PATL1: variants seen among roughly 807,000 people sequenced by gnomAD.
PATL1 encodes protein PAT1 homolog 1.
PATL1 carries 32 observed loss-of-function variants against 100.6 expected under a neutral mutation model. That is an observed-to-expected ratio of 0.32 (90% CI 0.24 to 0.43). PATL1 has a LOEUF of 0.43. PATL1 is among the 20% of genes least tolerant of loss of function. The pLI is 1.00. For missense variants in PATL1, 747 were observed against 949.9 expected, an observed-to-expected ratio of 0.79 and a Z score of 2.81; for synonymous variants, 332 against 330.0, an observed-to-expected ratio of 1.01 and a Z score of -0.07.
intron 18 of PATL1, 48 bp downstream of exon 18, chr11:59,639,000 A>G (rs757236749): frequency 7.6e-6 from 12 of 1,587,890 alleles, no homozygotes; most frequent in Admixed American, 3.5e-5. Flanking sequence ...CATAACTTCT[A>G]AAGTCCCAAC....
At chr11:59,644,587 A>G (rs1198115305) in intron 15 of PATL1, among the ~76,000 whole-genome samples, 1 of 152,096 alleles carries the variant, frequency 6.6e-6, no homozygotes. Flanking sequence ...TTTGTTCTAT[A>G]GTTTGAATTT....
chr11:59,667,661 G>C (rs1363116284), intron 1 of PATL1, among the ~76,000 whole-genome samples: 1 of 152,206 alleles, frequency 6.6e-6, no homozygotes, highest in African/African-American at 2.4e-5. Flanking sequence ...TAGGCTGTAA[G>C]GCTCAATGTC....
chr11:59,638,927 C>T (rs1004503293), intron 18 of PATL1, 121 bp downstream of exon 18: 2 of 1,130,282 alleles, frequency 1.8e-6, no homozygotes, highest in South Asian at 3.2e-5. Flanking sequence ...AAGTGATCCA[C>T]CCTCCTGGGT....
chr11:59,650,921 A>G, intron 12 of PATL1, 108 bp from the exon 13 acceptor site: 1 of 771,332 alleles, frequency 1.3e-6, no homozygotes, highest in Non-Finnish European at 2.0e-6. Context: ...AAGATAATTG[A>G]TTCTCTGAAA....
Position 59,637,160 on chromosome 11 carries a change from G to C in PATL1, c.*1230C>G, listed in dbSNP as rs963253173. On this transcript the variant is annotated 3_prime_UTR_variant, in exon 19 of 19. Coordinates refer to ENST00000300146, the MANE Select transcript of PATL1 (RefSeq NM_152716.3). ...ACGAAGGCCATGTAAAATTAATTCA[G>C]ATTTAATTTTCTTCAGGGCTGTAAT... The C allele has an allele frequency of 5.3e-5, 8 of 152,276 alleles. No homozygotes were observed. Among genetic ancestry groups the C allele is most frequent in the African/African-American group, 1.9e-4 (8 of 41,334 alleles). The allele number at this position is 152,276 out of a possible 1,614,324, so 9.4% of individuals were successfully genotyped here.
chr11:59,663,991 T>C (rs975212592), intron 2 of PATL1, among the ~76,000 whole-genome samples: 1 of 152,168 alleles, frequency 6.6e-6, no homozygotes, highest in Non-Finnish European at 1.5e-5. Context: ...TTATGAGGAA[T>C]TAAGATCTTC....
intron 15 of PATL1, among the ~76,000 whole-genome samples, chr11:59,645,884 ACCAGCTAT>A (rs1049834518): frequency 6.6e-6 from 1 of 152,146 alleles, no homozygotes; most frequent in Non-Finnish European, 1.5e-5. Flanking sequence ...CAGACCTAGA[ACCAGCTAT>A]TACTTCAAGA....
At chr11:59,642,808 A>G in intron 16 of PATL1, 72 bp downstream of exon 16, 1 of 1,459,754 alleles carries the variant, frequency 6.9e-7, no homozygotes, top group African/African-American at 1.4e-5. Context: ...GAGATACAGC[A>G]GCCATTATTT....
intron 15 of PATL1, among the ~76,000 whole-genome samples, chr11:59,645,130 A>C (rs1271478303): frequency 7.2e-6 from 1 of 138,950 alleles, no homozygotes; most frequent in Non-Finnish European, 1.5e-5. Flanking sequence ...CCCAAGGCAG[A>C]AGAATTTTTC....
intron 8 of PATL1, among the ~76,000 whole-genome samples, chr11:59,655,193 A>G (rs1027166257): frequency 6.6e-5 from 10 of 152,138 alleles, no homozygotes; most frequent in African/African-American, 2.2e-4. Flanking sequence ...CCACAATATG[A>G]TATGTAATAA....
chr11:59,656,429 G>T, intron 6 of PATL1, 70 bp downstream of exon 6: 1 of 1,264,876 alleles, frequency 7.9e-7, no homozygotes, highest in South Asian at 1.3e-5. Context: ...TCTAAATACT[G>T]GCAGTGATCT....
intron 15 of PATL1, among the ~76,000 whole-genome samples, chr11:59,645,073 G>GT (rs1861342238): frequency 7.2e-6 from 1 of 138,316 alleles, no homozygotes; most frequent in South Asian, 2.4e-4. Context: ...TACAGCACAT[G>GT]TTTCAGAGAG....
chr11:59,653,114 T>TTTA, intron 9 of PATL1, 96 bp from the exon 10 acceptor site: 8 of 1,008,394 alleles, frequency 7.9e-6, no homozygotes, highest in African/African-American at 6.4e-5. Flanking sequence ...TTTTTTTTTT[T>TTTA]AAAGATTCCC....
intron 8 of PATL1, among the ~76,000 whole-genome samples, chr11:59,655,045 G>A (rs766464118): frequency 2.6e-4 from 39 of 152,176 alleles, no homozygotes; most frequent in Non-Finnish European, 4.9e-4. Context: ...TTTCTTGCCT[G>A]CTGGTCTGTC....
chr11:59,638,056 T>C lies in PATL1; in HGVS notation c.*334A>G, dbSNP rs1389914625. 3.1e-6 allele frequency: 1 copy of C among 324,562 alleles called. No homozygotes were observed. Among genetic ancestry groups the C allele is most frequent in the Non-Finnish European group, 5.8e-6 (1 of 171,824 alleles). The allele number at this position is 324,562 out of a possible 1,614,324, so 20.1% of individuals were successfully genotyped here. A position where few individuals can be genotyped will look rare whatever the true frequency, so the allele number is the denominator to read the frequency against. ...AATCCTTTGGCAGGCTACAATCTAC[T>C]CTGAGGTGGAGTAGTGGAGGGATAA... On this transcript the variant is annotated 3_prime_UTR_variant, in exon 19 of 19. Coordinates refer to ENST00000300146, the MANE Select transcript of PATL1 (RefSeq NM_152716.3).
At chr11:59,649,996 C>T (rs1018939053) in intron 13 of PATL1, among the ~76,000 whole-genome samples, 21 of 152,178 alleles carry the variant, frequency 1.4e-4, no homozygotes, top group East Asian at 1.9e-4. Context: ...TGGCACATGC[C>T]TATAATCCCA....
intron 16 of PATL1, among the ~76,000 whole-genome samples, chr11:59,640,105 G>A (rs776148424): frequency 5.9e-5 from 9 of 152,144 alleles, no homozygotes; most frequent in Non-Finnish European, 1.0e-4. Context: ...ACTATGGGAG[G>A]CCAAGGTGGG....
chr11:59,662,664 A>G (rs1861641910), intron 2 of PATL1, among the ~76,000 whole-genome samples: 1 of 152,202 alleles, frequency 6.6e-6, no homozygotes, highest in African/African-American at 2.4e-5. Context: ...CAATGCCACA[A>G]GAGTGGGAAT....
intron 16 of PATL1, chr11:59,639,617 G>A (rs1861245525): frequency 2.2e-6 from 1 of 451,978 alleles, no homozygotes; most frequent in Non-Finnish European, 4.0e-6. Context: ...GAAACGGAAA[G>A]TCATGGTGTC....
Sources: gnomAD v4.1 joint callset for allele counts (sites outside exome capture counted in the v4.1 genomes callset) on GRCh38, gnomAD v4.1.1 for gene constraint, MANE v1.5 for transcripts, NCBI Gene and HGNC (gene_info 2026-07-23, HGNC 2026-07-21) for gene names.